The following FRMD4A variants were observed in gnomAD, a reference collection of about 807,000 sequenced individuals.
FRMD4A encodes FERM domain-containing protein 4A.
In FRMD4A, 29 loss-of-function variants were observed where a neutral mutation model predicts 129.1. The observed-to-expected ratio is 0.22, with a 90% confidence interval of 0.17 to 0.31. FRMD4A has a LOEUF of 0.31. Ranked by LOEUF, FRMD4A falls within the 10% of genes least tolerant of loss-of-function variation. FRMD4A has a pLI of 1.00. For synonymous variants in FRMD4A, 634 were observed against 571.6 expected (o/e 1.11, Z -1.56); for missense variants, 1,272 against 1,375.8 (o/e 0.92, Z 1.19).
Position 13,657,420 on chromosome 10 carries a change from GT to G in FRMD4A, c.2168del (p.Asn723ThrfsTer42). ...ESQGKLLGSE[N>X]DTGSPDFYTP... ...TGTAGAAGTCGGGGCTCCCGGTGTCGTTTTCCGAGCCCAGGAGCTTGCCCTG... is the reference window on the plus strand; with the variant it reads ...TGTAGAAGTCGGGGCTCCCGGTGTCGTTTCCGAGCCCAGGAGCTTGCCCTG... On this transcript the variant is annotated frameshift_variant, in exon 22 of 25. Transcript: ENST00000357447. LOFTEE classifies it high-confidence loss of function. The G allele has an allele frequency of 6.2e-7, 1 of 1,608,000 alleles. No homozygotes were observed.
chr10:13,710,297 G>A (rs184902591), intron 12 of FRMD4A: 34 of 152,414 alleles, frequency 2.2e-4, no homozygotes, highest in African/African-American at 7.5e-4. Flanking sequence ...CCGAGGGGTT[G>A]TTTCCCTGGC....
intron 2 of FRMD4A, among the ~76,000 whole-genome samples, chr10:14,232,892 C>T (rs1020019162): frequency 1.3e-5 from 2 of 152,146 alleles, no homozygotes; most frequent in African/African-American, 4.8e-5. Flanking sequence ...GGCTTCCTCT[C>T]TTCCTATTTG....
intron 2 of FRMD4A, among the ~76,000 whole-genome samples, chr10:14,028,894 G>A (rs537593942): frequency 2.0e-5 from 3 of 152,292 alleles, no homozygotes; most frequent in East Asian, 3.9e-4. Context: ...GACAGCACAG[G>A]ATCCTGCTAC....
chr10:13,892,515 A>T (rs2094712631), intron 2 of FRMD4A, among the ~76,000 whole-genome samples: 1 of 152,164 alleles, frequency 6.6e-6, no homozygotes, highest in Non-Finnish European at 1.5e-5. Context: ...CACCAAGAAC[A>T]ATAACTCAAT....
intron 2 of FRMD4A, among the ~76,000 whole-genome samples, chr10:14,101,300 C>G (rs1359809272): frequency 6.6e-6 from 1 of 152,174 alleles, no homozygotes; most frequent in African/African-American, 2.4e-5. Context: ...GGCAATGAAA[C>G]TCACAGAATT....
At chr10:14,077,268 T>C (rs1452706283) in intron 2 of FRMD4A, among the ~76,000 whole-genome samples, 2 of 152,242 alleles carry the variant, frequency 1.3e-5, no homozygotes, top group Non-Finnish European at 2.9e-5. Flanking sequence ...CTTCTGGTTC[T>C]ATAAATGCTG....
At chr10:13,666,646 T>A (rs1359240221) in intron 17 of FRMD4A, among the ~76,000 whole-genome samples, 1 of 152,156 alleles carries the variant, frequency 6.6e-6, no homozygotes, top group African/African-American at 2.4e-5. Context: ...ACCAAAGCCT[T>A]TGGAGAGATT....
intron 2 of FRMD4A, among the ~76,000 whole-genome samples, chr10:13,900,379 A>C (rs183338165): frequency 6.6e-6 from 1 of 152,284 alleles, no homozygotes; most frequent in Admixed American, 6.5e-5. Context: ...CATGATTTAG[A>C]CTGCAACTCA....
Position 13,740,560 on chromosome 10 carries a change from T to C in FRMD4A, c.566A>G (p.Glu189Gly). 1 of 1,577,274 alleles carries C rather than the reference T, an allele frequency of 6.3e-7. No individual in the cohort carries two copies. The highest frequency in any genetic ancestry group is 8.7e-7 in the Non-Finnish European group (1 of 1,150,632). The change falls in exon 10 of 25, where the codon GAG becomes GGG. Residue 189 changes from glutamate to glycine, a missense_variant. By Grantham distance (98) the Glu-to-Gly change is moderately conservative. Transcript: ENST00000357447. The part of the protein sequence containing the change: ...SLAYCEDRVI[E>G]HYKKLNGQTR... ...CTGACCGTTCAGTTTCTTGTAGTGC[T>C]CAATGACTCTGTCTTCACTGTAATT...
intron 2 of FRMD4A, among the ~76,000 whole-genome samples, chr10:14,135,808 C>T (rs574646294): frequency 1.3e-4 from 20 of 152,108 alleles, no homozygotes; most frequent in Non-Finnish European, 2.8e-4. Flanking sequence ...TTTTATTTTG[C>T]GGGATCTACT....
At chr10:14,318,436 A>G (rs1020148204) in intron 2 of FRMD4A, among the ~76,000 whole-genome samples, 3 of 152,018 alleles carry the variant, frequency 2.0e-5, no homozygotes, top group Non-Finnish European at 4.4e-5. Context: ...TCAGCTCCCA[A>G]TCATCAATAA....
intron 2 of FRMD4A, among the ~76,000 whole-genome samples, chr10:14,229,292 AG>A (rs953066679): frequency 4.6e-5 from 7 of 152,142 alleles, no homozygotes; most frequent in Non-Finnish European, 1.0e-4. Flanking sequence ...GCATTGACCT[AG>A]GATTTAAACA....
chr10:13,987,326 C>A (rs2095585199), intron 2 of FRMD4A, among the ~76,000 whole-genome samples: 1 of 152,176 alleles, frequency 6.6e-6, no homozygotes, highest in African/African-American at 2.4e-5. Context: ...TAAGAAACTT[C>A]CACCCAACTT....
intron 2 of FRMD4A, among the ~76,000 whole-genome samples, chr10:14,143,677 C>T (rs573755396): frequency 3.3e-5 from 5 of 152,194 alleles, no homozygotes; most frequent in South Asian, 2.1e-4. Flanking sequence ...TGCAATGGTG[C>T]GATCTGAGCT....
intron 2 of FRMD4A, among the ~76,000 whole-genome samples, chr10:13,969,956 A>G (rs1481793707): frequency 1.3e-5 from 2 of 152,218 alleles, no homozygotes; most frequent in African/African-American, 4.8e-5. Flanking sequence ...CATCTTGACT[A>G]AGTAATTACC....
intron 2 of FRMD4A, among the ~76,000 whole-genome samples, chr10:14,117,651 G>C (rs1424324097): frequency 6.6e-6 from 1 of 152,218 alleles, no homozygotes; most frequent in African/African-American, 2.4e-5. Flanking sequence ...CTGGTCACCT[G>C]TGGGAGAGAG....
At chr10:14,253,054 A>T (rs957305009) in intron 2 of FRMD4A, among the ~76,000 whole-genome samples, 4 of 152,238 alleles carry the variant, frequency 2.6e-5, no homozygotes, top group African/African-American at 9.6e-5. Flanking sequence ...TATAAATCTG[A>T]ATAGCTTTAA....
At chr10:14,286,294 T>C (rs72778687) in intron 2 of FRMD4A, among the ~76,000 whole-genome samples, 2,252 of 152,298 alleles carry the variant, frequency 0.015, 47 homozygotes, top group South Asian at 0.065. Flanking sequence ...ATTCTATTCT[T>C]GCTCAACTAT....
intron 2 of FRMD4A, among the ~76,000 whole-genome samples, chr10:14,217,632 C>T (rs770335971): frequency 4.6e-5 from 7 of 152,108 alleles, no homozygotes; most frequent in Non-Finnish European, 8.8e-5. Context: ...CAACCACCCA[C>T]CAGGGTCATG....
Sources: gnomAD v4.1 joint callset for allele counts (sites outside exome capture counted in the v4.1 genomes callset) on GRCh38, gnomAD v4.1.1 for gene constraint, MANE v1.5 for transcripts, NCBI Gene and HGNC (gene_info 2026-07-23, HGNC 2026-07-21) for gene names.